The following SLC19A1 variants were observed in gnomAD, a reference collection of about 807,000 sequenced individuals.
SLC19A1 encodes reduced folate transporter.
SLC19A1 carries 37 observed loss-of-function variants against 35.3 expected under a neutral mutation model. The observed-to-expected ratio is 1.05, with a 90% CI of 0.81 to 1.38. The LOEUF is 1.38. Among genes scored for constraint, SLC19A1 ranks in the 40% most tolerant of loss-of-function variants. SLC19A1 has a pLI of 0.00. For missense variants in SLC19A1, 831 were observed against 826.9 expected (o/e 1.00, Z -0.06); for synonymous variants, 460 against 398.5 (o/e 1.15, Z -1.84).
chr21:45,526,093 C>G, intron 4 of SLC19A1, 135 bp from the exon 5 acceptor site: 1 of 866,342 alleles, frequency 1.2e-6, no homozygotes, highest in Non-Finnish European at 1.8e-6. Flanking sequence ...GCACAAGCCC[C>G]CCACCAGGCC....
At chr21:45,519,765 C>G (rs1309111366) in intron 5 of SLC19A1, among the ~76,000 whole-genome samples, 3 of 152,018 alleles carry the variant, frequency 2.0e-5, no homozygotes, top group Admixed American at 6.6e-5. Context: ...AGAAACAGAT[C>G]CACAATTATA....
intron 3 of SLC19A1, chr21:45,506,389 A>G: frequency 3.0e-6 from 1 of 335,946 alleles, no homozygotes. Flanking sequence ...ACCCCGCGTT[A>G]TAAACACCAA....
intron 4 of SLC19A1, among the ~76,000 whole-genome samples, chr21:45,528,913 G>A (rs4818789): frequency 1.3e-5 from 2 of 152,134 alleles, no homozygotes; most frequent in African/African-American, 2.4e-5. Flanking sequence ...TGCACGCTGC[G>A]GCACCGTGTT....
At chr21:45,535,576 AG>A (rs1439569236) in intron 2 of SLC19A1, among the ~76,000 whole-genome samples, 2 of 152,152 alleles carry the variant, frequency 1.3e-5, no homozygotes, top group Non-Finnish European at 2.9e-5. Context: ...CGAGCTGGTG[AG>A]GGGAACGTGG....
chr21:45,537,795 G>C lies in SLC19A1; in HGVS notation c.165C>G (p.Pro55=), dbSNP rs755610987. The change falls in exon 2 of 6, where the codon CCC becomes CCG. Residue 55 remains proline, a synonymous_variant. Coordinates refer to ENST00000311124, the MANE Select transcript of SLC19A1 (RefSeq NM_194255.4). ...ESFITPYLLG[P]DKNFTREQVT... is the part of the protein sequence containing the mutation. ...CCTGCTCCCGCGTGAAGTTCTTGTCGGGCCCCAGGAGGTAGGGGGTGATGA... is the reference window on the plus strand; with the variant it reads ...CCTGCTCCCGCGTGAAGTTCTTGTCCGGCCCCAGGAGGTAGGGGGTGATGA... The C allele has an allele frequency of 1.3e-6, 2 of 1,484,630 alleles. No individual in the cohort carries two copies. Among genetic ancestry groups the C allele is most frequent in the African/African-American group, 1.5e-5 (1 of 67,652 alleles). 92.0% of individuals were successfully genotyped at this position (1,484,630 alleles called of 1,614,324 possible).
rs555621719 is a variant in SLC19A1, at chr21:45,515,678, C to T, written c.1756G>A (p.Val586Ile). The change falls in exon 6 of 6, where the codon GTT (valine) becomes ATT (isoleucine). Residue 586 changes from valine to isoleucine, a missense_variant. By Grantham distance (29) the Val-to-Ile change is conservative. Coordinates refer to ENST00000311124, the MANE Select transcript of SLC19A1 (RefSeq NM_194255.4). ...LGLQCLPSDG[V>I]QNVNQ ...GAGAGTCACTGGTTCACATTCTGAA[C>T]ACCGTCGCTTGGAAGACACTGCAAA... 9 of 1,613,656 alleles carry T rather than the reference C, an allele frequency of 5.6e-6. No individual in the cohort carries two copies. The South Asian group carries it at 6.6e-5, about 12-fold the overall frequency.
rs1171228508 is a variant in SLC19A1, at chr21:45,531,786, C to T, written c.552G>A (p.Thr184=). Residue 184 remains threonine, a synonymous_variant, in exon 3 of 6, where the codon ACG becomes ACA. Transcript: ENST00000311124. ...LVTVGRVSFS[T]LNYISLAFLT... ...GGAAGGCCAGCGAGATGTAGTTGAGCGTGGAGAAGGAGACTCGGCCCACAG... is the reference window on the plus strand; with the variant it reads ...GGAAGGCCAGCGAGATGTAGTTGAGTGTGGAGAAGGAGACTCGGCCCACAG... 2 of 1,602,090 alleles carry T rather than the reference C, an allele frequency of 1.2e-6. No homozygotes were observed. The highest frequency in any genetic ancestry group is 1.7e-6 in the Non-Finnish European group (2 of 1,174,588).
downstream of SLC19A1, among the ~76,000 whole-genome samples, chr21:45,509,108 G>A (rs773193507): frequency 8.5e-5 from 13 of 152,120 alleles, no homozygotes; most frequent in African/African-American, 2.7e-4. Context: ...TGATTGCTGC[G>A]GCTTCTGAGC....
chr21:45,536,062 G>T, intron 2 of SLC19A1: 1 of 357,592 alleles, frequency 2.8e-6, no homozygotes, highest in Non-Finnish European at 4.0e-6. Flanking sequence ...GCCCCAGGAG[G>T]GAGGGCGTGA....
chr21:45,508,197 G>A, downstream of SLC19A1, among the ~76,000 whole-genome samples: 1 of 151,588 alleles, frequency 6.6e-6, no homozygotes, highest in African/African-American at 2.4e-5. Flanking sequence ...ATGGTGGACA[G>A]GTGGGTGAGT....
At chr21:45,516,265 A>T (rs1189150596) in intron 5 of SLC19A1, 125 bp from the exon 6 acceptor site, 3 of 727,910 alleles carry the variant, frequency 4.1e-6, no homozygotes, top group Non-Finnish European at 4.6e-6. Context: ...AACACTGCAC[A>T]GCGGTCAGAG....
chr21:45,545,361 A>G (rs1309638601), upstream of SLC19A1, among the ~76,000 whole-genome samples: 1 of 151,890 alleles, frequency 6.6e-6, no homozygotes. Context: ...GGTTGTTTAA[A>G]AGAGTCCGGG....
At chr21:45,505,412 C>G in intron 3 of SLC19A1, 1 of 1,568,004 alleles carries the variant, frequency 6.4e-7, no homozygotes, top group Non-Finnish European at 8.7e-7. Flanking sequence ...CCCCCTGGAA[C>G]CATGGGCGCC....
Position 45,534,951 on chromosome 21 carries a change from C to T in SLC19A1, c.190-2803G>A, listed in dbSNP as rs2078058442. 1.3e-5 allele frequency among the ~76,000 whole-genome samples: 2 copies of T among 152,280 alleles called. No individual in the cohort carries two copies. Among genetic ancestry groups the T allele is most frequent in the Admixed American group, 1.3e-4 (2 of 15,292 alleles). On this transcript the variant is annotated intron_variant, in intron 2 of 5. Transcript: ENST00000311124. The surrounding 1 kb of genome is among the most constrained non-coding windows in gnomAD (Gnocchi z 4.2). ...CCAGGCTGAATGGGCAGAGTGCAGG[C>T]AGCTGCGCCCAAATCTACGTCCAGA...
At position 45,515,486 on chromosome 21, in the gene SLC19A1, G is replaced by A. The variant is rs12329692; in HGVS notation, c.*172C>T. ...TGGCCAGGCAGCTGCCCTGAGTGTC[G>A]CCAGCACGCTGTGGCCACCGCCAGA... On this transcript the variant is annotated 3_prime_UTR_variant, in exon 6 of 6. Coordinates refer to ENST00000311124, the MANE Select transcript of SLC19A1 (RefSeq NM_194255.4). 4,661 of 1,502,096 alleles carry A rather than the reference G, an allele frequency of 3.1e-3. 76 individuals carry two copies. In the African/African-American group the frequency reaches 0.043, roughly 14 times the overall value. 93.0% of individuals were successfully genotyped at this position (1,502,096 alleles called of 1,614,324 possible).
At position 45,537,902 on chromosome 21, in the gene SLC19A1, G is replaced by A. The variant is rs759012367; in HGVS notation, c.58C>T (p.Pro20Ser). The stretch of plus-strand genomic sequence containing the variant: ...AGGTGCCGCCAGGACCGGAGCTCGG[G>A]GTCAGGCCCAGGTTCCACGGGCACC... ...KQVPVEPGPD[P>S]ELRSWRHLVC... Residue 20 changes from proline (P) to serine (S), a missense_variant, in exon 2 of 6, where the codon CCC becomes TCC. Pro to Ser is a moderately conservative substitution (Grantham distance 74). Transcript: ENST00000311124. 1 of 1,597,228 alleles carries A rather than the reference G, an allele frequency of 6.3e-7. No homozygotes were observed.
chr21:45,507,671 C>G, downstream of SLC19A1: 1 of 1,374,488 alleles, frequency 7.3e-7, no homozygotes. Context: ...GTTTGAGGAA[C>G]AACACGTGGT....
chr21:45,553,148 T>C (rs1374148479), intron 1 of SLC19A1, among the ~76,000 whole-genome samples: 2 of 152,178 alleles, frequency 1.3e-5, no homozygotes, highest in African/African-American at 4.8e-5. Context: ...CAGGGGCCTT[T>C]GCTGCCGTGG....
chr21:45,518,192 G>C (rs1300469258), intron 5 of SLC19A1, among the ~76,000 whole-genome samples: 23 of 152,040 alleles, frequency 1.5e-4, no homozygotes, highest in Admixed American at 1.5e-3. Context: ...AAAAAATTTA[G>C]AACTGAAATG....
Sources: gnomAD v4.1 joint callset for allele counts (sites outside exome capture counted in the v4.1 genomes callset) on GRCh38, gnomAD v4.1.1 for gene constraint, Gnocchi (gnomAD v3.1) non-coding constraint, MANE v1.5 for transcripts, NCBI Gene and HGNC (gene_info 2026-07-23, HGNC 2026-07-21) for gene names.